The following LOC128125817 variants were observed in gnomAD, a reference collection of about 807,000 sequenced individuals.
At chr1:41,605,789 G>C in the LOC128125817 span, among the ~76,000 whole-genome samples, 1 of 152,110 alleles carries the variant, frequency 6.6e-6, no homozygotes, top group Non-Finnish European at 1.5e-5. Flanking sequence ...GTCCAGTGTG[G>C]TTAGAGTGTT....
the LOC128125817 span, among the ~76,000 whole-genome samples, chr1:41,612,834 T>C: frequency 1.3e-5 from 2 of 152,184 alleles, no homozygotes; most frequent in Non-Finnish European, 1.5e-5. Context: ...CCTCCCTTCA[T>C]CTTTGCATGG....
the LOC128125817 span, among the ~76,000 whole-genome samples, chr1:41,624,221 C>A: frequency 6.6e-6 from 1 of 152,196 alleles, no homozygotes; most frequent in Non-Finnish European, 1.5e-5. Flanking sequence ...CCATTATCCT[C>A]CAGTACAAAA....
At chr1:41,602,954 T>A in the LOC128125817 span, among the ~76,000 whole-genome samples, 1 of 152,116 alleles carries the variant, frequency 6.6e-6, no homozygotes, top group African/African-American at 2.4e-5. Context: ...AATTTCTTTT[T>A]TGATTTCTTC....
the LOC128125817 span, among the ~76,000 whole-genome samples, chr1:41,595,547 T>C: frequency 6.6e-6 from 1 of 152,112 alleles, no homozygotes. Flanking sequence ...GGGAAGATGT[T>C]GATGGTGAGA....
the LOC128125817 span, among the ~76,000 whole-genome samples, chr1:41,588,681 G>C: frequency 6.6e-6 from 1 of 152,204 alleles, no homozygotes; most frequent in South Asian, 2.1e-4. Flanking sequence ...ACACTTCTGA[G>C]TGGGGAGCAA....
the LOC128125817 span, among the ~76,000 whole-genome samples, chr1:41,605,821 G>C: frequency 6.6e-6 from 1 of 151,996 alleles, no homozygotes; most frequent in African/African-American, 2.4e-5. Context: ...GCATAGTAGT[G>C]GGGGGTGGGG....
At chr1:41,592,927 C>T in the LOC128125817 span, among the ~76,000 whole-genome samples, 4 of 152,184 alleles carry the variant, frequency 2.6e-5, no homozygotes, top group African/African-American at 9.7e-5. Flanking sequence ...CAGTCTAGGC[C>T]CTGGCCAGGT....
At chr1:41,620,160 C>A in the LOC128125817 span, among the ~76,000 whole-genome samples, 12 of 152,148 alleles carry the variant, frequency 7.9e-5, no homozygotes, top group Non-Finnish European at 1.8e-4. Context: ...CCAAACAGAG[C>A]CCGAACAGAG....
chr1:41,617,320 A>G, the LOC128125817 span, among the ~76,000 whole-genome samples: 2 of 152,210 alleles, frequency 1.3e-5, no homozygotes, highest in African/African-American at 4.8e-5. Flanking sequence ...TGGTTAAAAT[A>G]CCTATGGGGC....
chr1:41,627,884 C>A, the LOC128125817 span, among the ~76,000 whole-genome samples: 1 of 151,566 alleles, frequency 6.6e-6, no homozygotes, highest in African/African-American at 2.4e-5. Context: ...CCGTCCATCC[C>A]TCCCTCCCTC....
At chr1:41,615,039 C>T in the LOC128125817 span, among the ~76,000 whole-genome samples, 2 of 152,146 alleles carry the variant, frequency 1.3e-5, no homozygotes, top group Admixed American at 1.3e-4. Flanking sequence ...GTCATTAGCT[C>T]CTGTTTGGGA....
the LOC128125817 span, among the ~76,000 whole-genome samples, chr1:41,618,994 T>TG: frequency 6.6e-6 from 1 of 152,240 alleles, no homozygotes; most frequent in Non-Finnish European, 1.5e-5. Flanking sequence ...GCCTCCTAGC[T>TG]GGCCTCGGGC....
chr1:41,627,963 T>G, the LOC128125817 span, among the ~76,000 whole-genome samples: 1 of 149,244 alleles, frequency 6.7e-6, no homozygotes. Context: ...TGATTCTGGC[T>G]CTCCACACCA....
chr1:41,611,638 C>T, the LOC128125817 span, among the ~76,000 whole-genome samples: 1 of 152,206 alleles, frequency 6.6e-6, no homozygotes, highest in Non-Finnish European at 1.5e-5. Context: ...CATTTCACCT[C>T]CACATGTGGC....
the LOC128125817 span, among the ~76,000 whole-genome samples, chr1:41,607,243 G>A: frequency 5.3e-5 from 8 of 152,134 alleles, no homozygotes; most frequent in African/African-American, 1.9e-4. Flanking sequence ...CTGAACCTCT[G>A]GATCTATCCT....
At chr1:41,612,414 G>T in the LOC128125817 span, among the ~76,000 whole-genome samples, 1 of 152,274 alleles carries the variant, frequency 6.6e-6, no homozygotes, top group East Asian at 1.9e-4. Flanking sequence ...CCTCCTTGCA[G>T]ACCTCCTGTT....
At chr1:41,625,734 A>G in the LOC128125817 span, among the ~76,000 whole-genome samples, 1 of 152,284 alleles carries the variant, frequency 6.6e-6, no homozygotes, top group Non-Finnish European at 1.5e-5. Flanking sequence ...GACAGTATAT[A>G]TCAAAAATAA....
At chr1:41,605,373 GCGCACACA>G in the LOC128125817 span, among the ~76,000 whole-genome samples, 33 of 106,800 alleles carry the variant, frequency 3.1e-4, no homozygotes, top group Admixed American at 1.1e-3. Flanking sequence ...ACACGCACAC[GCGCACACA>G]CACACACACA....
chr1:41,593,341 A>G, the LOC128125817 span, among the ~76,000 whole-genome samples: 1 of 151,964 alleles, frequency 6.6e-6, no homozygotes, highest in East Asian at 1.9e-4. Context: ...AAATCTATGT[A>G]TGGATATCTA....
Sources: allele counts gnomAD v4.1 joint callset (sites outside exome capture counted in the v4.1 genomes callset), GRCh38; gene constraint gnomAD v4.1.1; transcripts MANE v1.5.